GPC5: variants seen among roughly 807,000 people sequenced by gnomAD.
The protein encoded by GPC5 is glypican 5.
GPC5 carries 47 observed loss-of-function variants against 53.9 expected under a neutral mutation model. The ratio of observed to expected loss-of-function variants is 0.87; its 90% CI spans 0.69 to 1.11. The LOEUF (loss-of-function observed/expected upper bound fraction) is 1.11, where lower values mean the gene tolerates loss of function less well. GPC5 is among the 50% of genes most tolerant of loss of function. GPC5 has a pLI of 0.00. For missense variants in GPC5, 748 were observed against 713.1 expected (o/e 1.05, Z -0.56); for synonymous variants, 286 against 263.3 (o/e 1.09, Z -0.84).
At chr13:92,823,900 A>T (rs1003631299) in intron 7 of GPC5, among the ~76,000 whole-genome samples, 2 of 152,006 alleles carry the variant, frequency 1.3e-5, no homozygotes, top group African/African-American at 4.8e-5. Flanking sequence ...TCTCAATACC[A>T]ACTCAATTTC....
At chr13:92,321,646 T>TACATACAA (rs1166061028) in intron 7 of GPC5, among the ~76,000 whole-genome samples, 13 of 144,586 alleles carry the variant, frequency 9.0e-5, no homozygotes, top group African/African-American at 3.4e-4. Flanking sequence ...CATACATACA[T>TACATACAA]ACAATAGAAT....
chr13:92,390,428 A>AT (rs1187841245), intron 7 of GPC5, among the ~76,000 whole-genome samples: 1 of 152,146 alleles, frequency 6.6e-6, no homozygotes, highest in Non-Finnish European at 1.5e-5. Flanking sequence ...TTCTACAAAG[A>AT]TAAACAATGA....
At chr13:92,035,146 C>A (rs1239580373) in intron 6 of GPC5, among the ~76,000 whole-genome samples, 1 of 142,216 alleles carries the variant, frequency 7.0e-6, no homozygotes, top group African/African-American at 2.6e-5. Flanking sequence ...ACCCGGGAGG[C>A]GGGGCTTGCA....
intron 7 of GPC5, among the ~76,000 whole-genome samples, chr13:92,237,231 T>C (rs958231597): frequency 6.6e-6 from 1 of 152,164 alleles, no homozygotes; most frequent in Non-Finnish European, 1.5e-5. Context: ...TTATGATTAT[T>C]GTTTTTTGAG....
At chr13:91,606,012 A>T (rs1315552119) in intron 2 of GPC5, among the ~76,000 whole-genome samples, 1 of 76,366 alleles carries the variant, frequency 1.3e-5, no homozygotes, top group Non-Finnish European at 2.6e-5. Flanking sequence ...GTGGTGAGAG[A>T]GGGCATCCCT....
At chr13:92,034,582 CAGG>C (rs1442301477) in intron 6 of GPC5, among the ~76,000 whole-genome samples, 11 of 152,168 alleles carry the variant, frequency 7.2e-5, no homozygotes, top group African/African-American at 2.7e-4. Flanking sequence ...AGTGCAAGGG[CAGG>C]AGATTTGATA....
intron 7 of GPC5, among the ~76,000 whole-genome samples, chr13:92,610,030 C>CA (rs56913637): frequency 0.078 from 5,531 of 70,680 alleles, 537 homozygotes; most frequent in Admixed American, 0.12. Flanking sequence ...GACTCCATCT[C>CA]AAAAAAAAAA....
chr13:91,610,265 C>T (rs72641471), intron 2 of GPC5, among the ~76,000 whole-genome samples: 10,779 of 152,202 alleles, frequency 0.071, 490 homozygotes, highest in Non-Finnish European at 0.1. Context: ...TGTTGTCAAA[C>T]TTCTGTCACT....
intron 2 of GPC5, among the ~76,000 whole-genome samples, chr13:91,646,810 G>A (rs2034568731): frequency 6.6e-6 from 1 of 152,132 alleles, no homozygotes; most frequent in Admixed American, 6.6e-5. Flanking sequence ...AGACTTCAAA[G>A]AGGTATAGAA....
At chr13:92,443,293 A>T (rs921917097) in intron 7 of GPC5, among the ~76,000 whole-genome samples, 1 of 151,990 alleles carries the variant, frequency 6.6e-6, no homozygotes, top group Non-Finnish European at 1.5e-5. Context: ...TGACCCAAAC[A>T]CCTCCCACCA....
intron 7 of GPC5, among the ~76,000 whole-genome samples, chr13:92,230,238 A>G (rs184442007): frequency 2.0e-4 from 31 of 152,274 alleles, no homozygotes; most frequent in African/African-American, 7.0e-4. Flanking sequence ...GTTCTCATAT[A>G]AATTGACTTT....
intron 7 of GPC5, among the ~76,000 whole-genome samples, chr13:92,488,731 T>G (rs531588952): frequency 6.6e-6 from 1 of 152,286 alleles, no homozygotes; most frequent in East Asian, 1.9e-4. Flanking sequence ...TAGGTGGTGG[T>G]TTCTTGCAGG....
At chr13:91,618,539 T>C (rs2033762429) in intron 2 of GPC5, among the ~76,000 whole-genome samples, 1 of 152,124 alleles carries the variant, frequency 6.6e-6, no homozygotes, top group African/African-American at 2.4e-5. Flanking sequence ...TGTGCTTTGC[T>C]CAGATAAGGA....
intron 6 of GPC5, among the ~76,000 whole-genome samples, chr13:92,138,303 T>A (rs1326350731): frequency 6.6e-6 from 1 of 151,958 alleles, no homozygotes; most frequent in African/African-American, 2.4e-5. Context: ...GGCAGATCAC[T>A]AGGCCAAGAG....
At chr13:91,571,518 G>C (rs550149964) in intron 2 of GPC5, among the ~76,000 whole-genome samples, 7 of 152,018 alleles carry the variant, frequency 4.6e-5, no homozygotes, top group African/African-American at 1.7e-4. Flanking sequence ...TAGGTCAGGA[G>C]TTCAAGACCA....
intron 5 of GPC5, among the ~76,000 whole-genome samples, chr13:91,838,207 C>T (rs570767976): frequency 6.6e-6 from 1 of 152,180 alleles, no homozygotes; most frequent in Admixed American, 6.6e-5. Context: ...ACATGGTAGA[C>T]AGCCACTGTC....
chr13:92,794,757 C>A (rs1876596164), intron 7 of GPC5, among the ~76,000 whole-genome samples: 1 of 152,110 alleles, frequency 6.6e-6, no homozygotes. Flanking sequence ...AACAGAGAAC[C>A]AAATCATGAG....
intron 5 of GPC5, among the ~76,000 whole-genome samples, chr13:91,828,353 AGG>A (rs1427340959): frequency 1.5e-5 from 1 of 67,786 alleles, no homozygotes; most frequent in African/African-American, 3.8e-5. Context: ...GTAGATAGGT[AGG>A]TAGGTAGGTA....
chr13:91,779,916 T>C (rs2037772013), intron 5 of GPC5, among the ~76,000 whole-genome samples: 2 of 152,158 alleles, frequency 1.3e-5, no homozygotes, highest in East Asian at 1.9e-4. Flanking sequence ...AGAAGGAGTA[T>C]ACTCTAAAAT....
Sources: gnomAD v4.1 joint callset for allele counts (sites outside exome capture counted in the v4.1 genomes callset) on GRCh38, gnomAD v4.1.1 for gene constraint, MANE v1.5 for transcripts, NCBI Gene and HGNC (gene_info 2026-07-23, HGNC 2026-07-21) for gene names.